DNAJC6: variants seen among roughly 807,000 people sequenced by gnomAD.
The protein encoded by DNAJC6 is auxilin.
Under a neutral mutation model 110.0 loss-of-function variants are expected in DNAJC6, and 34 were observed. The ratio of observed to expected loss-of-function variants is 0.31; its 90% CI spans 0.24 to 0.41. The LOEUF is 0.41. DNAJC6 is among the 10% of genes least tolerant of loss of function. The probability of loss-of-function intolerance (pLI) is 1.00; values close to 1 mark genes in which losing one functional copy is unlikely to be tolerated. For synonymous variants in DNAJC6, 406 were observed against 437.2 expected, an observed-to-expected ratio of 0.93 and a Z score of 0.89; for missense variants, 1,031 against 1,207.8, an observed-to-expected ratio of 0.85 and a Z score of 2.17.
intron 1 of DNAJC6, among the ~76,000 whole-genome samples, chr1:65,281,723 C>T (rs1305504465): frequency 6.6e-6 from 1 of 151,844 alleles, no homozygotes; most frequent in Non-Finnish European, 1.5e-5. Context: ...ATTCTCCTGC[C>T]TCAGCCTCCT....
At chr1:65,347,385 C>A (rs1645446511) in intron 1 of DNAJC6, among the ~76,000 whole-genome samples, 1 of 151,754 alleles carries the variant, frequency 6.6e-6, no homozygotes, top group African/African-American at 2.4e-5. Flanking sequence ...AAGGCCCCGT[C>A]TGGTTTTATT....
Position 65,413,002 on chromosome 1 carries a change from C to A in DNAJC6, c.2890C>A (p.Gln964Lys), listed in dbSNP as rs1481419016. 6.2e-7 allele frequency: 1 copy of A among 1,613,964 alleles called. No homozygotes were observed. The highest frequency in any genetic ancestry group is 1.1e-5 in the South Asian group (1 of 91,070). ...LNDAWSEFEN[Q>K]GQKPLY ...TGATGCCTGGTCTGAATTTGAAAAC[C>A]AAGGCCAAAAGCCCTTATATTAATT... is the stretch of plus-strand genomic sequence containing the variant. Residue 964 changes from glutamine to lysine, a missense_variant, in exon 19 of 19, where the codon CAA (glutamine) becomes AAA (lysine). Transcript: ENST00000371069.
At chr1:65,274,325 A>G (rs936974601) in intron 1 of DNAJC6, among the ~76,000 whole-genome samples, 1 of 151,624 alleles carries the variant, frequency 6.6e-6, no homozygotes, top group African/African-American at 2.4e-5. Flanking sequence ...TTATTATTAT[A>G]TATTTTTTTG....
At chr1:65,297,446 C>T (rs537082418) in intron 1 of DNAJC6, among the ~76,000 whole-genome samples, 127 of 152,306 alleles carry the variant, frequency 8.3e-4, no homozygotes, top group African/African-American at 2.9e-3. Flanking sequence ...ATAGTCTACC[C>T]TTTATAACTC....
intron 1 of DNAJC6, among the ~76,000 whole-genome samples, chr1:65,313,327 A>G (rs10889541): frequency 0.12 from 18,123 of 151,754 alleles, 1,433 homozygotes; most frequent in East Asian, 0.27. Context: ...TCCCTCCCAA[A>G]GTGCTCGGAT....
chr1:65,386,740 A>C, intron 7 of DNAJC6, 72 bp from the exon 8 acceptor site: 120 of 1,302,662 alleles, frequency 9.2e-5, no homozygotes, highest in Non-Finnish European at 1.2e-4. Flanking sequence ...GCCATAGAGA[A>C]CTATACCTGT....
rs184790197 is a variant in DNAJC6 at position 65,358,457 on chromosome 1, A to G, written c.194-6178A>G. Among the ~76,000 whole-genome samples the G allele has an allele frequency of 1.6e-3, 245 of 152,254 alleles. 1 individual carries two copies. Among genetic ancestry groups the G allele is most frequent in the African/African-American group, 5.8e-3 (239 of 41,538 alleles). On this transcript the variant is annotated intron_variant, in intron 1 of 18. Transcript: ENST00000371069. Reference sequence around the variant, plus strand: ...TGTATAAGATGAAGATAGCAATGGTATTGCCTTCATAGGGTATTTGTGAAG... The same window carrying G: ...TGTATAAGATGAAGATAGCAATGGTGTTGCCTTCATAGGGTATTTGTGAAG...
At chr1:65,368,791 T>G (rs1423025876) in intron 4 of DNAJC6, among the ~76,000 whole-genome samples, 1 of 107,860 alleles carries the variant, frequency 9.3e-6, no homozygotes, top group Non-Finnish European at 1.8e-5. Context: ...TTCCCTTCCC[T>G]TCCAAAAGAG....
At chr1:65,292,081 A>G (rs2101232565) in intron 1 of DNAJC6, among the ~76,000 whole-genome samples, 1 of 152,136 alleles carries the variant, frequency 6.6e-6, no homozygotes, top group East Asian at 1.9e-4. Context: ...CAATGGCGCG[A>G]TCTCAACGCA....
intron 1 of DNAJC6, among the ~76,000 whole-genome samples, chr1:65,339,955 C>A (rs1645373823): frequency 6.6e-6 from 1 of 152,184 alleles, no homozygotes. Flanking sequence ...ACAGTCCTTG[C>A]CTTGTAGCAT....
intron 1 of DNAJC6, among the ~76,000 whole-genome samples, chr1:65,362,705 A>G (rs1210533631): frequency 6.6e-6 from 1 of 152,222 alleles, no homozygotes; most frequent in Non-Finnish European, 1.5e-5. Context: ...AAAGCTGGGC[A>G]GGAACCCAGG....
At chr1:65,318,139 G>C (rs1257402132) in intron 1 of DNAJC6, among the ~76,000 whole-genome samples, 2 of 152,074 alleles carry the variant, frequency 1.3e-5, no homozygotes, top group Non-Finnish European at 2.9e-5. Flanking sequence ...TTTGGAGATG[G>C]GGTGAGGTAG....
rs566554235 is a variant in DNAJC6, at chr1:65,378,940, G to GA, written c.544-454dup. ...TAAGTTGTGTCCTTTGATTAAAAGA[G>GA]AAAAAAAATAGATCCATGCACAAGC... On this transcript the variant is annotated intron_variant, in intron 4 of 18. Transcript: ENST00000371069. Among the ~76,000 whole-genome samples the GA allele has an allele frequency of 4.4e-3, 662 of 152,050 alleles. 8 individuals carry two copies. The highest frequency in any genetic ancestry group is 0.015 in the African/African-American group (635 of 41,464).
At chr1:65,267,517 T>A (rs28425629) in intron 1 of DNAJC6, among the ~76,000 whole-genome samples, 3,119 of 152,068 alleles carry the variant, frequency 0.021, 40 homozygotes, top group Non-Finnish European at 0.029. Flanking sequence ...TAGATATTTA[T>A]CTTTATGCAT....
intron 1 of DNAJC6, among the ~76,000 whole-genome samples, chr1:65,281,672 A>T (rs1653849506): frequency 6.6e-6 from 1 of 151,102 alleles, no homozygotes; most frequent in Non-Finnish European, 1.5e-5. Context: ...GCAGTGGCAC[A>T]ATCTTGGCTC....
intron 9 of DNAJC6, 70 bp from the exon 10 acceptor site, chr1:65,389,186 C>A (rs1439456976): frequency 1.4e-6 from 2 of 1,422,182 alleles, no homozygotes; most frequent in African/African-American, 2.8e-5. Context: ...CCTAAGATGA[C>A]TTCTGTGCCA....
chr1:65,328,767 T>G (rs1382194235), intron 1 of DNAJC6, among the ~76,000 whole-genome samples: 1 of 152,224 alleles, frequency 6.6e-6, no homozygotes, highest in African/African-American at 2.4e-5. Flanking sequence ...GCAGTCTTCT[T>G]GGTTCCTCAA....
At chr1:65,370,834 T>A (rs1645698247) in intron 4 of DNAJC6, among the ~76,000 whole-genome samples, 1 of 152,196 alleles carries the variant, frequency 6.6e-6, no homozygotes, top group African/African-American at 2.4e-5. Context: ...GGTCAATGTT[T>A]TTACCCCTTT....
chr1:65,338,719 CTT>C (rs1243084686), intron 1 of DNAJC6, among the ~76,000 whole-genome samples: 3 of 152,146 alleles, frequency 2.0e-5, no homozygotes, highest in Non-Finnish European at 1.5e-5. Context: ...TCCACTCTCT[CTT>C]GGATAAGTGG....
Sources: gnomAD v4.1 joint callset for allele counts (sites outside exome capture counted in the v4.1 genomes callset) on GRCh38, gnomAD v4.1.1 for gene constraint, MANE v1.5 for transcripts, NCBI Gene and HGNC (gene_info 2026-07-23, HGNC 2026-07-21) for gene names.